PRKN: variants seen among roughly 807,000 people sequenced by gnomAD.
PRKN encodes the protein E3 ubiquitin-protein ligase parkin.
A neutral mutation model predicts 59.5 loss-of-function variants in PRKN; 56 were observed. That is an observed-to-expected ratio of 0.94 (90% CI 0.76 to 1.18). The LOEUF is 1.18. Among genes scored for constraint, PRKN ranks in the 50% most tolerant of loss-of-function variants. The probability of loss-of-function intolerance (pLI) is 0.00; values close to 1 mark genes in which losing one functional copy is unlikely to be tolerated. For synonymous variants in PRKN, 250 were observed against 222.1 expected, an observed-to-expected ratio of 1.13 and a Z score of -1.12; for missense variants, 657 against 596.4, an observed-to-expected ratio of 1.10 and a Z score of -1.06.
rs1790101828 is a variant in PRKN, at chr6:161,459,206, A to G, written c.1084-72329T>C. 6.6e-6 allele frequency among the ~76,000 whole-genome samples: 1 copy of G among 152,202 alleles called. No homozygotes were observed. The highest frequency in any genetic ancestry group is 1.5e-5 in the Non-Finnish European group (1 of 68,030). ...AAGACTTGTTCTCCAGGTTAATTAC[A>G]GTGGAAACCTGATCGAACTTGACAG... On this transcript the variant is annotated intron_variant, in intron 9 of 11. Coordinates refer to ENST00000366898, the MANE Select transcript of PRKN (RefSeq NM_004562.3). The surrounding 1 kb of genome is among the most constrained non-coding windows in gnomAD (Gnocchi z 4.8).
intron 1 of PRKN, among the ~76,000 whole-genome samples, chr6:162,488,529 T>C (rs568478062): frequency 6.6e-6 from 1 of 152,250 alleles, no homozygotes; most frequent in South Asian, 2.1e-4. Context: ...TCCTCCTCTC[T>C]ACTCACACTT....
chr6:161,394,570 C>T (rs1339854331), intron 9 of PRKN, among the ~76,000 whole-genome samples: 2 of 152,182 alleles, frequency 1.3e-5, no homozygotes, highest in Non-Finnish European at 2.9e-5. Flanking sequence ...CCTTTTCTTA[C>T]ACCAACATCT....
chr6:161,609,873 T>A (rs867909294), intron 7 of PRKN, among the ~76,000 whole-genome samples: 2 of 152,132 alleles, frequency 1.3e-5, no homozygotes, highest in African/African-American at 2.4e-5. Context: ...CAGAAGCACA[T>A]GAAAGGAGAA....
chr6:162,537,410 A>G (rs1452263694), intron 1 of PRKN, among the ~76,000 whole-genome samples: 1 of 152,010 alleles, frequency 6.6e-6, no homozygotes, highest in Non-Finnish European at 1.5e-5. Flanking sequence ...TTTCCGCATC[A>G]CCTATATTTT....
chr6:161,453,998 A>G (rs1789859023), intron 9 of PRKN, among the ~76,000 whole-genome samples: 1 of 152,042 alleles, frequency 6.6e-6, no homozygotes, highest in Non-Finnish European at 1.5e-5. Flanking sequence ...AATATATAAC[A>G]GAAGTGTTTT....
chr6:162,578,327 T>C (rs971998787), intron 1 of PRKN, among the ~76,000 whole-genome samples: 1 of 152,124 alleles, frequency 6.6e-6, no homozygotes, highest in Non-Finnish European at 1.5e-5. Flanking sequence ...ATTAAAAATA[T>C]GTTATAAAAG....
intron 5 of PRKN, among the ~76,000 whole-genome samples, chr6:161,996,763 A>C: frequency 6.6e-6 from 1 of 152,188 alleles, no homozygotes; most frequent in Non-Finnish European, 1.5e-5. Flanking sequence ...TATGAAAAAC[A>C]GCCTACCCCC....
At chr6:161,665,988 G>A (rs952027255) in intron 7 of PRKN, among the ~76,000 whole-genome samples, 1 of 152,168 alleles carries the variant, frequency 6.6e-6, no homozygotes, top group African/African-American at 2.4e-5. Flanking sequence ...AGGTTCCTGG[G>A]GGCAGCGTGT....
At chr6:161,669,167 C>G (rs1303607031) in intron 7 of PRKN, among the ~76,000 whole-genome samples, 2 of 152,156 alleles carry the variant, frequency 1.3e-5, no homozygotes, top group African/African-American at 4.8e-5. Flanking sequence ...AGGAAGTGGG[C>G]CCTCATCCTA....
rs1323153194 is a variant in PRKN, at chr6:162,021,160, ATATAT to A, written c.618+32926_618+32930del. Reference sequence around the variant, plus strand: ...TATATATATATATATATATATATATATATATAAAATATATGTGTATATATATTATA... The same window carrying A: ...TATATATATATATATATATATATATAAAAATATATGTGTATATATATTATA... On this transcript the variant is annotated intron_variant, in intron 5 of 11. Transcript: ENST00000366898. Among the ~76,000 whole-genome samples the A allele has an allele frequency of 6.2e-4, 16 of 25,650 alleles. 1 individual carries two copies. The East Asian group carries it at 7.8e-3, about 12-fold the overall frequency. The allele number at this position is 25,650 out of a possible 152,430, so 16.8% of individuals were successfully genotyped here. A position where few individuals can be genotyped will look rare whatever the true frequency, so the allele number is the denominator to read the frequency against.
chr6:161,811,197 T>C (rs1390457655), intron 6 of PRKN, among the ~76,000 whole-genome samples: 1 of 152,160 alleles, frequency 6.6e-6, no homozygotes, highest in Admixed American at 6.5e-5. Flanking sequence ...GGACTTGCTA[T>C]AATGCAGCAC....
intron 5 of PRKN, among the ~76,000 whole-genome samples, chr6:162,019,932 T>C (rs1365541513): frequency 1.3e-5 from 2 of 151,960 alleles, no homozygotes; most frequent in African/African-American, 4.8e-5. Context: ...GGCAGGAGAA[T>C]TGCTTGAAAC....
intron 7 of PRKN, among the ~76,000 whole-genome samples, chr6:161,662,268 CT>C (rs2128165907): frequency 6.6e-6 from 1 of 152,276 alleles, no homozygotes; most frequent in Non-Finnish European, 1.5e-5. Context: ...TGCACTCTGC[CT>C]GTGCTGACCT....
intron 6 of PRKN, among the ~76,000 whole-genome samples, chr6:161,826,078 C>A (rs1037823819): frequency 1.3e-5 from 2 of 152,162 alleles, no homozygotes; most frequent in Non-Finnish European, 2.9e-5. Context: ...GGCTAAAATG[C>A]AAACCATCTA....
chr6:161,987,988 C>T (rs1781496517), intron 5 of PRKN, among the ~76,000 whole-genome samples: 2 of 152,116 alleles, frequency 1.3e-5, no homozygotes, highest in Admixed American at 6.5e-5. Flanking sequence ...GTGAACGATG[C>T]TCCCTCTTAG....
chr6:162,457,415 C>T (rs1250353079), intron 1 of PRKN, among the ~76,000 whole-genome samples: 1 of 152,060 alleles, frequency 6.6e-6, no homozygotes, highest in African/African-American at 2.4e-5. Flanking sequence ...TATAATTTAA[C>T]CTTAATATTT....
intron 5 of PRKN, among the ~76,000 whole-genome samples, chr6:162,029,539 C>T (rs1000392500): frequency 2.1e-4 from 32 of 152,170 alleles, no homozygotes; most frequent in African/African-American, 6.0e-4. Flanking sequence ...TCGATGGCAC[C>T]GTGCACCGCA....
chr6:161,743,530 C>G (rs1044342667), intron 7 of PRKN, among the ~76,000 whole-genome samples: 36 of 151,694 alleles, frequency 2.4e-4, no homozygotes, highest in Admixed American at 2.4e-3. Flanking sequence ...ATTACAGGCA[C>G]GAGCCACTGC....
At chr6:162,703,650 C>T (rs1778237187) in intron 1 of PRKN, among the ~76,000 whole-genome samples, 1 of 152,186 alleles carries the variant, frequency 6.6e-6, no homozygotes, top group Non-Finnish European at 1.5e-5. Context: ...GTAGATCATA[C>T]TATCCCCATT....
Sources: gnomAD v4.1 joint callset for allele counts (sites outside exome capture counted in the v4.1 genomes callset) on GRCh38, gnomAD v4.1.1 for gene constraint, Gnocchi (gnomAD v3.1) non-coding constraint, MANE v1.5 for transcripts, NCBI Gene and HGNC (gene_info 2026-07-23, HGNC 2026-07-21) for gene names.